Variants in ZC3H11A observed in about 807,000 individuals in gnomAD.
ZC3H11A encodes zinc finger CCCH-type containing 11A, also known as zinc finger CCCH domain-containing protein 11A.
ZC3H11A carries 22 observed loss-of-function variants against 90.8 expected under a neutral mutation model. The ratio of observed to expected loss-of-function variants is 0.24; its 90% CI spans 0.17 to 0.35. The LOEUF is 0.35. Ranked by LOEUF, ZC3H11A falls within the 10% of genes least tolerant of loss-of-function variation. The pLI is 1.00. For missense variants in ZC3H11A, 701 were observed against 964.9 expected (o/e 0.73, Z 3.62); for synonymous variants, 294 against 339.8 (o/e 0.87, Z 1.48).
chr1:203,834,472 A>G (rs1415880371), intron 10 of ZC3H11A, among the ~76,000 whole-genome samples: 1 of 152,024 alleles, frequency 6.6e-6, no homozygotes, highest in Non-Finnish European at 1.5e-5. Flanking sequence ...GGGTTTCACC[A>G]TGTTGCCCAG....
At chr1:203,796,695 C>G (rs761400145) in intron 1 of ZC3H11A, 10 of 368,624 alleles carry the variant, frequency 2.7e-5, no homozygotes, top group Non-Finnish European at 4.3e-5. Flanking sequence ...ATCTCTATAG[C>G]GTACAACTTG....
At position 203,809,481 on chromosome 1, in the gene ZC3H11A, CTT is replaced by C. The variant is rs556683369; in HGVS notation, c.-146+6470_-146+6471del. On this transcript the variant is annotated intron_variant, in intron 2 of 17. Coordinates refer to ENST00000367210, the MANE Select transcript of ZC3H11A (RefSeq NM_001376342.1). The stretch of plus-strand genomic sequence containing the variant: ...CTGAGCCACCGCACCCAGCCCCACT[CTT>C]TTTTCATAGTGGTATGTTCATTTGT... 3.5e-4 allele frequency among the ~76,000 whole-genome samples: 54 copies of C among 152,154 alleles called. No homozygotes were observed. The South Asian group carries it at 0.01, about 29-fold the overall frequency.
intron 11 of ZC3H11A, among the ~76,000 whole-genome samples, chr1:203,839,246 T>A (rs542855551): frequency 1.3e-5 from 2 of 152,212 alleles, no homozygotes; most frequent in African/African-American, 4.8e-5. Context: ...GGTTTCACAG[T>A]GTTGCCTAGG....
intron 4 of ZC3H11A, among the ~76,000 whole-genome samples, chr1:203,823,625 G>A (rs1268956992): frequency 6.6e-6 from 1 of 152,212 alleles, no homozygotes; most frequent in Non-Finnish European, 1.5e-5. Context: ...TTGCAAGCAG[G>A]CATTTCTAAG....
intron 17 of ZC3H11A, among the ~76,000 whole-genome samples, chr1:203,851,383 G>T (rs1689217123): frequency 6.6e-6 from 1 of 152,168 alleles, no homozygotes; most frequent in South Asian, 2.1e-4. Context: ...AGACTGGAGT[G>T]CAGTGGCACA....
At chr1:203,850,255 G>T in intron 15 of ZC3H11A, 3 of 648,286 alleles carry the variant, frequency 4.6e-6, no homozygotes, top group Admixed American at 5.9e-5. Context: ...TTTCTATGGT[G>T]CATCTTTCCT....
chr1:203,833,650 TC>T (rs1683239242), intron 9 of ZC3H11A, 140 bp from the exon 10 acceptor site: 1 of 420,974 alleles, frequency 2.4e-6, no homozygotes, highest in Non-Finnish European at 3.9e-6. Flanking sequence ...ATAATGGCCT[TC>T]CTTAAGACTG....
chr1:203,810,279 C>T (rs1359796505), intron 2 of ZC3H11A, among the ~76,000 whole-genome samples: 2 of 151,732 alleles, frequency 1.3e-5, no homozygotes, highest in African/African-American at 4.8e-5. Context: ...CCTGGCCTTG[C>T]CGTTTTCTTG....
At chr1:203,809,309 G>A (rs935562925) in intron 2 of ZC3H11A, among the ~76,000 whole-genome samples, 1 of 150,428 alleles carries the variant, frequency 6.6e-6, no homozygotes, top group African/African-American at 2.4e-5. Flanking sequence ...CCGAGTAACT[G>A]GGACAACAGG....
chr1:203,840,325 T>G lies in ZC3H11A; in HGVS notation c.993T>G (p.Leu331=). The change falls in exon 12 of 18, where the codon CTT becomes CTG. Residue 331 remains leucine, a synonymous_variant. Coordinates refer to ENST00000367210, the MANE Select transcript of ZC3H11A (RefSeq NM_001376342.1). ...TPKKAQVSKS[L]KERLGMSADP... Reference sequence around the variant, plus strand: ...TCACAGCTCAAGTTTCCAAGTCTCTTAAGGAGCGATTAGGCATGTCAGCTG... The same window carrying G: ...TCACAGCTCAAGTTTCCAAGTCTCTGAAGGAGCGATTAGGCATGTCAGCTG... 2 of 1,613,420 alleles carry G rather than the reference T, an allele frequency of 1.2e-6. No homozygotes were observed. The highest frequency in any genetic ancestry group is 1.1e-5 in the South Asian group (1 of 91,026).
intron 11 of ZC3H11A, 141 bp downstream of exon 11, chr1:203,838,205 T>C: frequency 2.4e-6 from 2 of 828,590 alleles, no homozygotes; most frequent in South Asian, 3.7e-5. Flanking sequence ...TCAACAAACA[T>C]TTGATCCTTA....
chr1:203,817,808 A>G (rs988626902), intron 3 of ZC3H11A, among the ~76,000 whole-genome samples: 3 of 151,720 alleles, frequency 2.0e-5, no homozygotes, highest in African/African-American at 7.3e-5. Context: ...GCTGGAGTGC[A>G]GTGGTATGGT....
At chr1:203,835,963 G>C (rs555807007) in intron 10 of ZC3H11A, 1 of 171,098 alleles carries the variant, frequency 5.8e-6, no homozygotes, top group East Asian at 1.5e-4. Flanking sequence ...GATCCAAGAT[G>C]GTGGGGAGAG....
intron 17 of ZC3H11A, among the ~76,000 whole-genome samples, 188 bp downstream of exon 17, chr1:203,851,312 A>G (rs1392299056): frequency 2.0e-5 from 3 of 152,290 alleles, no homozygotes; most frequent in South Asian, 2.1e-4. Flanking sequence ...ACATTTTGCT[A>G]TATTACCTAA....
intron 2 of ZC3H11A, among the ~76,000 whole-genome samples, chr1:203,807,504 G>GT (rs1672774952): frequency 6.6e-6 from 1 of 151,418 alleles, no homozygotes; most frequent in African/African-American, 2.4e-5. Context: ...GTGACACAAA[G>GT]TTTTGTTTTG....
intron 2 of ZC3H11A, among the ~76,000 whole-genome samples, chr1:203,810,197 A>C (rs1459218858): frequency 1.3e-5 from 2 of 150,730 alleles, no homozygotes; most frequent in Admixed American, 1.3e-4. Flanking sequence ...GCTGTTCTTG[A>C]ACTCCTGGTC....
intron 4 of ZC3H11A, among the ~76,000 whole-genome samples, chr1:203,827,681 CAAA>C (rs77923419): frequency 5.8e-5 from 5 of 86,284 alleles, no homozygotes; most frequent in Non-Finnish European, 4.9e-5. Flanking sequence ...GACTCTGTCT[CAAA>C]AAAAAAAAAA....
At chr1:203,840,005 T>C (rs1296125834) in intron 11 of ZC3H11A, among the ~76,000 whole-genome samples, 1 of 152,074 alleles carries the variant, frequency 6.6e-6, no homozygotes, top group African/African-American at 2.4e-5. Context: ...GGTTTCACCA[T>C]GTTGGCCAGG....
chr1:203,847,083 T>G, intron 12 of ZC3H11A, 101 bp from the exon 13 acceptor site: 1 of 1,248,806 alleles, frequency 8.0e-7, no homozygotes, highest in Non-Finnish European at 1.1e-6. Flanking sequence ...GCTTAAATGA[T>G]AGCTCTCTGT....
Sources: allele counts gnomAD v4.1 joint callset (sites outside exome capture counted in the v4.1 genomes callset), GRCh38; gene constraint gnomAD v4.1.1; transcripts MANE v1.5; gene names NCBI Gene and HGNC (gene_info 2026-07-23, HGNC 2026-07-21).